Variants in TENM3 observed in about 807,000 individuals in gnomAD.
TENM3 encodes teneurin transmembrane protein 3.
Under a neutral mutation model 255.1 loss-of-function variants are expected in TENM3, and 63 were observed. That is an observed-to-expected ratio of 0.25 (90% CI 0.20 to 0.30). The LOEUF is 0.30. TENM3 is among the 10% of genes least tolerant of loss of function. TENM3 has a pLI of 1.00. For synonymous variants in TENM3, 1,306 were observed against 1,322.3 expected (o/e 0.99, Z 0.27); for missense variants, 2,929 against 3,461.1 (o/e 0.85, Z 3.86).
In TENM3 at chr4:182,736,908, C is replaced by T; in HGVS notation, c.3068C>T (p.Thr1023Ile). The change falls in exon 17 of 28, where the codon ACC becomes ATC. Residue 1023 changes from threonine (T) to isoleucine (I), a missense_variant. Thr to Ile is a moderately conservative substitution (Grantham distance 89, BLOSUM62 -1). Around this residue, in one of 6 missense-constraint regions of TENM3, gnomAD observed 1,608 missense variants for 1,884.4 expected, o/e 0.85. Coordinates refer to ENST00000511685, the MANE Select transcript of TENM3 (RefSeq NM_001080477.4). ...GYKSVLKITM[T>I]QSIIPFNLMK... ...AAGTCAGTTCTCAAGATCACCATGA[C>T]CCAGTCTATTATTCCATTTAATTTA... The T allele has an allele frequency of 6.2e-7, 1 of 1,613,810 alleles. No homozygotes were observed. Among genetic ancestry groups the T allele is most frequent in the Non-Finnish European group, 8.5e-7 (1 of 1,179,776 alleles).
chr4:182,156,487 T>G (rs1388072282), intron 1 of TENM3, among the ~76,000 whole-genome samples: 1 of 152,084 alleles, frequency 6.6e-6, no homozygotes, highest in East Asian at 1.9e-4. Flanking sequence ...CAGCAGCTAA[T>G]TTTGCAACCC....
intron 2 of TENM3, among the ~76,000 whole-genome samples, chr4:182,326,594 G>A (rs1763426879): frequency 6.6e-6 from 1 of 152,088 alleles, no homozygotes; most frequent in Admixed American, 6.5e-5. Context: ...GACTGCAGCG[G>A]GGCAGTCATA....
intron 18 of TENM3, among the ~76,000 whole-genome samples, chr4:182,739,275 T>A (rs1303026839): frequency 6.6e-6 from 1 of 152,144 alleles, no homozygotes; most frequent in Admixed American, 6.5e-5. Context: ...ATTTGCAAAA[T>A]ATGACCAGCT....
At chr4:181,599,379 C>T in the TENM3 span, among the ~76,000 whole-genome samples, 107 of 152,286 alleles carry the variant, frequency 7.0e-4, no homozygotes, top group African/African-American at 2.5e-3. Context: ...GACACTGTAA[C>T]GTCGATGGTT....
the TENM3 span, among the ~76,000 whole-genome samples, chr4:181,920,566 C>T: frequency 2.6e-5 from 4 of 152,158 alleles, no homozygotes; most frequent in Non-Finnish European, 5.9e-5. Flanking sequence ...CCTTCGCCCA[C>T]TTTTAATGGG....
the TENM3 span, among the ~76,000 whole-genome samples, chr4:181,627,297 G>T: frequency 6.6e-6 from 1 of 151,938 alleles, no homozygotes; most frequent in African/African-American, 2.4e-5. Flanking sequence ...ATAATAATAT[G>T]CTATAAATAC....
chr4:182,346,394 C>T lies in TENM3; in HGVS notation c.233-257C>T, dbSNP rs192830761. 2.0e-5 allele frequency among the ~76,000 whole-genome samples: 3 copies of T among 152,194 alleles called. No homozygotes were observed. In the East Asian group the frequency reaches 5.8e-4, roughly 29 times the overall value. ...CTCATGGTTGGGGCCACTTTACTTG[C>T]CCATCTCTCTGGAGGTACTTATGGG... is the stretch of plus-strand genomic sequence containing the variant. On this transcript the variant is annotated intron_variant, in intron 2 of 27. Transcript: ENST00000511685.
chr4:181,815,560 G>A, the TENM3 span, among the ~76,000 whole-genome samples: 34 of 150,578 alleles, frequency 2.3e-4, no homozygotes, highest in African/African-American at 7.3e-4. Flanking sequence ...CTTGAATATA[G>A]AAGATATTAG....
At chr4:181,594,669 G>T in the TENM3 span, among the ~76,000 whole-genome samples, 1 of 152,118 alleles carries the variant, frequency 6.6e-6, no homozygotes. Flanking sequence ...CCCTCAGTAT[G>T]CTGAAGATTC....
chr4:182,744,028 T>C, intron 19 of TENM3: 1 of 693,614 alleles, frequency 1.4e-6, no homozygotes, highest in Non-Finnish European at 1.8e-6. Flanking sequence ...CAATTTTCCA[T>C]ACAAATAATT....
At chr4:181,712,959 A>G in the TENM3 span, among the ~76,000 whole-genome samples, 1 of 152,178 alleles carries the variant, frequency 6.6e-6, no homozygotes, top group Non-Finnish European at 1.5e-5. Context: ...CAGTACCATC[A>G]TAGGGGAAGC....
intron 3 of TENM3, among the ~76,000 whole-genome samples, chr4:182,383,443 C>T (rs1353279356): frequency 2.0e-5 from 3 of 152,024 alleles, no homozygotes; most frequent in African/African-American, 7.2e-5. Context: ...GTGTGACAAG[C>T]AGCAGTTGTT....
Position 182,470,997 on chromosome 4 carries a change from C to G in TENM3, c.511+124068C>G, listed in dbSNP as rs145914834. ...AATCTTCTAGTAACAGAGTTTACCA[C>G]GTCCGTCAATGTGAATACAATTATA... On this transcript the variant is annotated intron_variant, in intron 3 of 27. Coordinates refer to ENST00000511685, the MANE Select transcript of TENM3 (RefSeq NM_001080477.4). Among the ~76,000 whole-genome samples, 3 of 152,142 alleles carry G rather than the reference C, an allele frequency of 2.0e-5. No homozygotes were observed. The East Asian group carries it at 5.8e-4, about 29-fold the overall frequency.
the TENM3 span, among the ~76,000 whole-genome samples, chr4:181,492,943 T>C: frequency 2.0e-5 from 3 of 152,120 alleles, no homozygotes; most frequent in African/African-American, 7.2e-5. Context: ...GTTTTCTCTA[T>C]ATACCATTTG....
the TENM3 span, among the ~76,000 whole-genome samples, chr4:181,941,311 G>GT: frequency 0.21 from 25,066 of 119,508 alleles, 2,707 homozygotes; most frequent in African/African-American, 0.35. Flanking sequence ...TTTGTTTGAT[G>GT]TTTTTTTTTT....
chr4:182,304,723 C>T (rs1232776364), intron 1 of TENM3, among the ~76,000 whole-genome samples: 4 of 152,164 alleles, frequency 2.6e-5, no homozygotes, highest in Non-Finnish European at 4.4e-5. Flanking sequence ...ACAATCAGCA[C>T]TCCTGCTTCT....
intron 3 of TENM3, among the ~76,000 whole-genome samples, chr4:182,381,767 G>A (rs1316193738): frequency 6.6e-6 from 1 of 152,014 alleles, no homozygotes; most frequent in East Asian, 1.9e-4. Context: ...CTACATGTTG[G>A]TCAGGCTGGT....
intron 24 of TENM3, among the ~76,000 whole-genome samples, chr4:182,785,744 C>A (rs1765598024): frequency 6.9e-6 from 1 of 144,580 alleles, no homozygotes; most frequent in Non-Finnish European, 1.5e-5. Flanking sequence ...GCCACTGAAG[C>A]CTGGAATAAT....
intron 12 of TENM3, among the ~76,000 whole-genome samples, chr4:182,693,489 A>G (rs1757163317): frequency 1.3e-5 from 2 of 151,842 alleles, no homozygotes; most frequent in South Asian, 4.2e-4. Context: ...GGCGCCCACC[A>G]CCACACCCAG....
Sources: gnomAD v4.1 joint callset for allele counts (sites outside exome capture counted in the v4.1 genomes callset) on GRCh38, gnomAD v4.1.1 for gene constraint, gnomAD v4.1.1 regional missense constraint, MANE v1.5 for transcripts, NCBI Gene and HGNC (gene_info 2026-07-23, HGNC 2026-07-21) for gene names.